The following PHTF2 variants were observed in gnomAD, a reference collection of about 807,000 sequenced individuals.
The protein encoded by PHTF2 is protein PHTF2.
In PHTF2, 60 loss-of-function variants were observed where a neutral mutation model predicts 101.2. That is an observed-to-expected ratio of 0.59 (90% CI 0.48 to 0.73). The LOEUF is 0.73. PHTF2 is among the 30% of genes least tolerant of loss of function. The probability of loss-of-function intolerance (pLI) is 0.00; values close to 1 mark genes in which losing one functional copy is unlikely to be tolerated. For missense variants in PHTF2, 747 were observed against 908.7 expected (o/e 0.82, Z 2.29); for synonymous variants, 311 against 307.3 (o/e 1.01, Z -0.13).
chr7:77,812,930 G>C (rs1793563244), intron 1 of PHTF2, among the ~76,000 whole-genome samples: 1 of 152,158 alleles, frequency 6.6e-6, no homozygotes, highest in Non-Finnish European at 1.5e-5. Context: ...TTATAATGCA[G>C]AGTAACGTGT....
intron 3 of PHTF2, among the ~76,000 whole-genome samples, chr7:77,861,423 T>A (rs1797633898): frequency 2.0e-5 from 3 of 152,322 alleles, no homozygotes; most frequent in Admixed American, 1.3e-4. Context: ...TATTTTTTTT[T>A]AAATGATCAA....
intron 11 of PHTF2, among the ~76,000 whole-genome samples, chr7:77,928,027 A>G (rs1367645085): frequency 6.6e-6 from 1 of 152,248 alleles, no homozygotes; most frequent in African/African-American, 2.4e-5. Context: ...TAATCTGGAA[A>G]GAAGAGGAAG....
rs541475691 is a variant in PHTF2 at position 77,832,924 on chromosome 7, C to G, written c.-35-7297C>G. 4.8e-4 allele frequency among the ~76,000 whole-genome samples: 73 copies of G among 152,186 alleles called. 1 individual carries two copies. The highest frequency in any genetic ancestry group is 1.7e-3 in the African/African-American group (70 of 41,530). On this transcript the variant is annotated intron_variant, in intron 1 of 19. Coordinates refer to ENST00000416283, the Ensembl canonical transcript of PHTF2. ...AAAAATTGTCTTCCACAAAACCAGT[C>G]CCTGGTGCTAAAAAAGGTTGGGGAC...
chr7:77,841,075 C>CTTTTTTTTTTTTTTTTTTTTTTTTTTTTT (rs57283892), intron 2 of PHTF2, among the ~76,000 whole-genome samples: 1 of 77,286 alleles, frequency 1.3e-5, no homozygotes, highest in Non-Finnish European at 2.3e-5. Context: ...AAAAAACAGA[C>CTTTTTTTTTTTTTTTTTTTTTTTTTTTTT]TTTTTTTTTT....
intron 1 of PHTF2, among the ~76,000 whole-genome samples, chr7:77,817,286 AT>A (rs1793923778): frequency 1.3e-5 from 2 of 152,052 alleles, no homozygotes; most frequent in South Asian, 4.1e-4. Flanking sequence ...GTATCTCATT[AT>A]GGTTTTGATT....
chr7:77,848,880 G>A (rs186369075), intron 2 of PHTF2, among the ~76,000 whole-genome samples: 1 of 152,228 alleles, frequency 6.6e-6, no homozygotes, highest in Admixed American at 6.5e-5. Context: ...TTTGATTTTT[G>A]TATATGATGA....
chr7:77,843,248 ATATGT>A (rs1303285573), intron 2 of PHTF2, among the ~76,000 whole-genome samples: 3 of 152,122 alleles, frequency 2.0e-5, no homozygotes, highest in African/African-American at 4.8e-5. Context: ...TCATTTAAAG[ATATGT>A]TATGTTGTAA....
At chr7:77,811,599 T>A (rs1284332095) in intron 1 of PHTF2, among the ~76,000 whole-genome samples, 2 of 152,248 alleles carry the variant, frequency 1.3e-5, no homozygotes, top group African/African-American at 4.8e-5. Flanking sequence ...CACTTACTTA[T>A]TCATATCAGT....
chr7:77,871,956 T>C (rs1798554453), intron 3 of PHTF2, among the ~76,000 whole-genome samples: 1 of 151,908 alleles, frequency 6.6e-6, no homozygotes, highest in Admixed American at 6.6e-5. Context: ...GGAGTAAGGG[T>C]TTATTCCAGT....
At chr7:77,878,358 C>T (rs1409376149) in intron 3 of PHTF2, among the ~76,000 whole-genome samples, 1 of 151,974 alleles carries the variant, frequency 6.6e-6, no homozygotes, top group East Asian at 1.9e-4. Flanking sequence ...TTTTATGGGT[C>T]TGGGTGGCGC....
intron 1 of PHTF2, among the ~76,000 whole-genome samples, chr7:77,812,113 C>G: frequency 6.6e-6 from 1 of 152,148 alleles, no homozygotes; most frequent in Admixed American, 6.5e-5. Flanking sequence ...AGAAAAAGAA[C>G]CTGGATGGTG....
At position 77,929,225 on chromosome 7, in the gene PHTF2, T is replaced by C. The variant is rs1028152696; in HGVS notation, c.1236T>C (p.His412=). The C allele has an allele frequency of 7.4e-6, 12 of 1,611,650 alleles. No homozygotes were observed. In the African/African-American group the frequency reaches 1.6e-4, roughly 22 times the overall value. The change falls in exon 12 of 20, where the codon CAT becomes CAC. Residue 412 remains histidine, a synonymous_variant. Transcript: ENST00000416283. ...ATGTGTTATGGGAAGACTTGTTACATTGTGCAGAATGCCATTCATCTTGTA... is the reference window on the plus strand; with the variant it reads ...ATGTGTTATGGGAAGACTTGTTACACTGTGCAGAATGCCATTCATCTTGTA...
At chr7:77,858,192 G>A (rs1356361044) in intron 3 of PHTF2, among the ~76,000 whole-genome samples, 1 of 152,164 alleles carries the variant, frequency 6.6e-6, no homozygotes, top group African/African-American at 2.4e-5. Context: ...GGTTAGTTTA[G>A]TTGCTGTAAC....
chr7:77,842,657 G>C (rs914951449), intron 2 of PHTF2, among the ~76,000 whole-genome samples: 14 of 152,102 alleles, frequency 9.2e-5, no homozygotes, highest in Admixed American at 9.2e-4. Context: ...TAGCTCATTG[G>C]TTCTGAAACC....
intron 1 of PHTF2, among the ~76,000 whole-genome samples, chr7:77,802,797 C>G (rs1021044765): frequency 6.6e-6 from 1 of 152,178 alleles, no homozygotes; most frequent in Non-Finnish European, 1.5e-5. Flanking sequence ...TACCAAAGTC[C>G]TGGGATTACA....
chr7:77,902,036 TA>T (rs1245742315), intron 7 of PHTF2, 116 bp downstream of exon 6: 7 of 444,480 alleles, frequency 1.6e-5, no homozygotes, highest in Admixed American at 4.4e-5. Flanking sequence ...AGTATGTTAA[TA>T]AAGGCACATA....
chr7:77,894,880 A>T (rs888680899), intron 5 of PHTF2, among the ~76,000 whole-genome samples: 2 of 152,128 alleles, frequency 1.3e-5, no homozygotes, highest in South Asian at 4.1e-4. Context: ...AAGGAGTTTG[A>T]TTTGATAATA....
intron 1 of PHTF2, among the ~76,000 whole-genome samples, chr7:77,832,243 A>AT (rs1347175605): frequency 4.6e-5 from 7 of 151,896 alleles, no homozygotes; most frequent in South Asian, 4.2e-4. Context: ...ACATTGAGGG[A>AT]TTTTTTTTGA....
chr7:77,863,079 C>A (rs904602141), intron 3 of PHTF2, among the ~76,000 whole-genome samples: 1 of 152,136 alleles, frequency 6.6e-6, no homozygotes, highest in African/African-American at 2.4e-5. Flanking sequence ...TAAAAGTTTC[C>A]CATTTGAACT....
Sources: allele counts gnomAD v4.1 joint callset (sites outside exome capture counted in the v4.1 genomes callset), GRCh38; gene constraint gnomAD v4.1.1; transcripts MANE v1.5; gene names NCBI Gene and HGNC (gene_info 2026-07-23, HGNC 2026-07-21).